The following IFNA14 variants were observed in gnomAD, a reference collection of about 807,000 sequenced individuals.
IFNA14 encodes interferon alpha 14.
For missense variants in IFNA14, 337 were observed against 214.9 expected (o/e 1.57, Z -3.55); for synonymous variants, 113 against 76.8 (o/e 1.47, Z -2.46).
At position 21,239,725 on chromosome 9, in the gene IFNA14, A is replaced by G; in HGVS notation, c.211T>C (p.Phe71Leu). The G allele has an allele frequency of 1.9e-6, 3 of 1,614,124 alleles. No individual in the cohort carries two copies. The highest frequency in any genetic ancestry group is 2.5e-6 in the Non-Finnish European group (3 of 1,180,010). Residue 71 changes from phenylalanine (F) to leucine (L), a missense_variant, in exon 1 of 1, where the codon TTC becomes CTC. Physicochemically the swap from Phe to Leu is conservative, Grantham distance 22. Transcript: ENST00000380222. Reference protein sequence around the residue: ...FPQEEFDGNQFQKAQAISVLH... With the variant: ...FPQEEFDGNQLQKAQAISVLH... Reference sequence around the variant, plus strand: ...ACAGAGATGGCTTGAGCTTTCTGGAACTGGTTGCCATCAAATTCCTCCTGG... The same window carrying G: ...ACAGAGATGGCTTGAGCTTTCTGGAGCTGGTTGCCATCAAATTCCTCCTGG...
rs1379283328 is a variant in IFNA14, at chr9:21,239,955, G to T, written c.-20C>A. The T allele has an allele frequency of 6.2e-7, 1 of 1,609,260 alleles. No individual in the cohort carries two copies. Among genetic ancestry groups the T allele is most frequent in the Non-Finnish European group, 8.5e-7 (1 of 1,175,702 alleles). ...TGCCATTGGGAATCCCGAAGATGCTGCTGGGCTGGTTGATGAGGGGTAACA... is the reference window on the plus strand; with the variant it reads ...TGCCATTGGGAATCCCGAAGATGCTTCTGGGCTGGTTGATGAGGGGTAACA... On this transcript the variant is annotated 5_prime_UTR_variant, in exon 1 of 1. Coordinates refer to ENST00000380222, the MANE Select transcript of IFNA14 (RefSeq NM_002172.3).
Position 21,239,556 on chromosome 9 carries a change from A to G in IFNA14, c.380T>C (p.Val127Ala), listed in dbSNP as rs895258506. The G allele has an allele frequency of 8.7e-6, 14 of 1,613,876 alleles. No individual in the cohort carries two copies. Among genetic ancestry groups the G allele is most frequent in the African/African-American group, 4.0e-5 (3 of 74,868 alleles). Residue 127 changes from valine to alanine, a missense_variant, in exon 1 of 1, where the codon GTT becomes GCT. By Grantham distance (64) the Val-to-Ala change is moderately conservative. Transcript: ENST00000380222. ...CATCAGGGGAGTCTCTTCCACCCCA[A>G]CCTCCTGTATCACACAGGCTTCCAG... ...NDLEACVIQEVGVEETPLMNE... is the reference protein window; with the variant it reads ...NDLEACVIQEAGVEETPLMNE...
the IFNA14 span, chr9:21,239,829 CT>C: frequency 1.2e-6 from 2 of 1,614,074 alleles, no homozygotes; most frequent in Admixed American, 3.3e-5. Flanking sequence ...CATCAAAGTC[CT>C]CCTGTTATTC....
Position 21,239,238 on chromosome 9 carries a change from A to G in IFNA14, c.*128T>C, listed in dbSNP as rs1157248530. 37 of 1,519,576 alleles carry G rather than the reference A, an allele frequency of 2.4e-5. No homozygotes were observed. In the Admixed American group the frequency reaches 7.6e-4, roughly 31 times the overall value. 94.1% of individuals were successfully genotyped at this position (1,519,576 alleles called of 1,614,324 possible). On this transcript the variant is annotated 3_prime_UTR_variant, in exon 1 of 1. Coordinates refer to ENST00000380222, the MANE Select transcript of IFNA14 (RefSeq NM_002172.3). ...ACATGATGCTTCTTTACACTCCTGA[A>G]AACATTTGAAAATTTTGATTCAACT...
At position 21,239,803 on chromosome 9, in the gene IFNA14, T is replaced by G. The variant is rs774245538; in HGVS notation, c.133A>C (p.Arg45=). 1.9e-6 allele frequency: 3 copies of G among 1,614,154 alleles called. No homozygotes were observed. The highest frequency in any genetic ancestry group is 2.2e-5 in the South Asian group (2 of 91,082). Residue 45 remains arginine (R), a synonymous_variant, in exon 1 of 1, where the codon AGG becomes CGG. Coordinates refer to ENST00000380222, the MANE Select transcript of IFNA14 (RefSeq NM_002172.3). ...AGGCAGGAGAAAGGAGAGATTCTCCTCATTTGTGCCATGAGCATCAAAGTC... is the reference window on the plus strand; with the variant it reads ...AGGCAGGAGAAAGGAGAGATTCTCCGCATTTGTGCCATGAGCATCAAAGTC... The part of the protein sequence containing the change: ...RRTLMLMAQM[R]RISPFSCLKD...
chr9:21,239,649 G>C, the IFNA14 span: 1 of 1,613,984 alleles, frequency 6.2e-7, no homozygotes, highest in Non-Finnish European at 8.5e-7. Context: ...AGCAGCAGAT[G>C]AGTTCTTTGT....
the IFNA14 span, chr9:21,239,455 GGCTGT>G: frequency 6.2e-7 from 1 of 1,614,002 alleles, no homozygotes; most frequent in Middle Eastern, 1.6e-4. Context: ...CAGGCACAAG[GGCTGT>G]ATTTCTTCTC....
At position 21,239,424 on chromosome 9, in the gene IFNA14, A is replaced by G; in HGVS notation, c.512T>C (p.Ile171Thr). ...PCAWEVVRAE[I>T]MRSLSFSTNL... ...TGTTGAAAAAGAGAGGGATCTCATGATTTCTGCTCTGACAACCTCCCAGGC... is the reference window on the plus strand; with the variant it reads ...TGTTGAAAAAGAGAGGGATCTCATGGTTTCTGCTCTGACAACCTCCCAGGC... The change falls in exon 1 of 1, where the codon ATC (isoleucine) becomes ACC (threonine). Residue 171 changes from isoleucine (I) to threonine (T), a missense_variant. By Grantham distance (89) the Ile-to-Thr change is moderately conservative. Coordinates refer to ENST00000380222, the MANE Select transcript of IFNA14 (RefSeq NM_002172.3). 7 of 1,614,074 alleles carry G rather than the reference A, an allele frequency of 4.3e-6. No homozygotes were observed. The highest frequency in any genetic ancestry group is 5.9e-6 in the Non-Finnish European group (7 of 1,179,998).
chr9:21,239,063 T>G lies in IFNA14; in HGVS notation c.*303A>C, dbSNP rs41270125. ...TGGCTAAATATGAAGAACATATTTG[T>G]TATATTAACCACAATGTAAAGGTAC... On this transcript the variant is annotated 3_prime_UTR_variant, in exon 1 of 1. Transcript: ENST00000380222. 227 of 158,398 alleles carry G rather than the reference T, an allele frequency of 1.4e-3. No homozygotes were observed. The highest frequency in any genetic ancestry group is 3.2e-3 in the Middle Eastern group (1 of 316). The allele number at this position is 158,398 out of a possible 1,614,324, so 9.8% of individuals were successfully genotyped here.
Position 21,239,424 on chromosome 9 carries a change from A to T in IFNA14, c.512T>A (p.Ile171Asn). 1 of 1,614,074 alleles carries T rather than the reference A, an allele frequency of 6.2e-7. No homozygotes were observed. Among genetic ancestry groups the T allele is most frequent in the Non-Finnish European group, 8.5e-7 (1 of 1,179,998 alleles). The change falls in exon 1 of 1, where the codon ATC (isoleucine) becomes AAC (asparagine). Residue 171 changes from isoleucine (I) to asparagine (N), a missense_variant. Transcript: ENST00000380222. ...PCAWEVVRAE[I>N]MRSLSFSTNL... ...TGTTGAAAAAGAGAGGGATCTCATG[A>T]TTTCTGCTCTGACAACCTCCCAGGC...
rs1818857279 is a variant in IFNA14 at position 21,239,722 on chromosome 9, G to T, written c.214C>A (p.Gln72Lys). Residue 72 changes from glutamine (Q) to lysine (K), a missense_variant, in exon 1 of 1, where the codon CAG becomes AAG. By Grantham distance (53) the Gln-to-Lys change is moderately conservative. Coordinates refer to ENST00000380222, the MANE Select transcript of IFNA14 (RefSeq NM_002172.3). ...PQEEFDGNQFQKAQAISVLHE... is the reference protein window; with the variant it reads ...PQEEFDGNQFKKAQAISVLHE... ...AGGACAGAGATGGCTTGAGCTTTCT[G>T]GAACTGGTTGCCATCAAATTCCTCC... 6.2e-7 allele frequency: 1 copy of T among 1,613,972 alleles called. No homozygotes were observed. Among genetic ancestry groups the T allele is most frequent in the African/African-American group, 1.3e-5 (1 of 74,898 alleles).
rs1401824578 is a variant in IFNA14, at chr9:21,239,353, G to C, written c.*13C>G. 3.1e-6 allele frequency: 5 copies of C among 1,613,398 alleles called. No individual in the cohort carries two copies. Among genetic ancestry groups the C allele is most frequent in the Non-Finnish European group, 4.2e-6 (5 of 1,179,838 alleles). On this transcript the variant is annotated 3_prime_UTR_variant, in exon 1 of 1. Transcript: ENST00000380222. The stretch of plus-strand genomic sequence containing the variant: ...ATTAGTCAATGAGAATCATTTCCAT[G>C]ATGAACCAGTTTTCAATCCTTCCTC...
Position 21,239,309 on chromosome 9 carries a change from T to G in IFNA14, c.*57A>C, listed in dbSNP as rs1021035334. ...TGAGTCTTTGAAATGGAAGAACTCA[T>G]GAAAGTGTGAGATGATGTATTAGTC... On this transcript the variant is annotated 3_prime_UTR_variant, in exon 1 of 1. Coordinates refer to ENST00000380222, the MANE Select transcript of IFNA14 (RefSeq NM_002172.3). 416 of 1,602,552 alleles carry G rather than the reference T, an allele frequency of 2.6e-4. 4 individuals are homozygous for G. The highest frequency in any genetic ancestry group is 1.9e-4 in the Middle Eastern group (1 of 5,378).
rs1035542854 is a variant in IFNA14 at position 21,239,332 on chromosome 9, G to C, written c.*34C>G. 6.2e-7 allele frequency: 1 copy of C among 1,612,402 alleles called. No individual in the cohort carries two copies. Among genetic ancestry groups the C allele is most frequent in the Non-Finnish European group, 8.5e-7 (1 of 1,179,602 alleles). On this transcript the variant is annotated 3_prime_UTR_variant, in exon 1 of 1. Coordinates refer to ENST00000380222, the MANE Select transcript of IFNA14 (RefSeq NM_002172.3). ...CATGAAAGTGTGAGATGATGTATTA[G>C]TCAATGAGAATCATTTCCATGATGA...
At position 21,239,741 on chromosome 9, in the gene IFNA14, T is replaced by C. The variant is rs576021973; in HGVS notation, c.195A>G (p.Glu65=). The C allele has an allele frequency of 2.5e-6, 4 of 1,614,136 alleles. No homozygotes were observed. In the East Asian group the frequency reaches 6.7e-5, roughly 27 times the overall value. Residue 65 remains glutamate (E), a synonymous_variant, in exon 1 of 1, where the codon GAA becomes GAG. Coordinates refer to ENST00000380222, the MANE Select transcript of IFNA14 (RefSeq NM_002172.3). ...DRHDFEFPQE[E]FDGNQFQKAQ... is the part of the protein sequence containing the mutation. The stretch of plus-strand genomic sequence containing the variant: ...CTTTCTGGAACTGGTTGCCATCAAA[T>C]TCCTCCTGGGGAAATTCAAAGTCAT...
rs766879676 is a variant in IFNA14 at position 21,239,385 on chromosome 9, C to A, written c.551G>T (p.Arg184Ile). 2.5e-6 allele frequency: 4 copies of A among 1,613,852 alleles called. No homozygotes were observed. The highest frequency in any genetic ancestry group is 2.7e-5 in the African/African-American group (2 of 74,878). Residue 184 changes from arginine (R) to isoleucine (I), a missense_variant, in exon 1 of 1, where the codon AGA becomes ATA. Arg to Ile is a moderately conservative substitution (Grantham distance 97, BLOSUM62 -3). Coordinates refer to ENST00000380222, the MANE Select transcript of IFNA14 (RefSeq NM_002172.3). ...SLSFSTNLQK[R>I]LRRKD ...CAGTTTTCAATCCTTCCTCCTTAAT[C>A]TTTTTTGCAAGTTTGTTGAAAAAGA...
Position 21,239,698 on chromosome 9 carries a change from G to A in IFNA14, c.238C>T (p.Leu80Phe), listed in dbSNP as rs1436018027. The A allele has an allele frequency of 3.7e-6, 6 of 1,614,032 alleles. No homozygotes were observed. Among genetic ancestry groups the A allele is most frequent in the Middle Eastern group, 1.7e-4 (1 of 6,058 alleles). The change falls in exon 1 of 1, where the codon CTC (leucine) becomes TTC (phenylalanine). Residue 80 changes from leucine (L) to phenylalanine (F), a missense_variant. Leu to Phe is a conservative substitution (Grantham distance 22). Coordinates refer to ENST00000380222, the MANE Select transcript of IFNA14 (RefSeq NM_002172.3). ...QFQKAQAISV[L>F]HEMMQQTFNL... ...AAGGTCTGCTGCATCATCTCATGGA[G>A]GACAGAGATGGCTTGAGCTTTCTGG...
Position 21,239,236 on chromosome 9 carries a change from G to T in IFNA14, c.*130C>A. ...ATACATGATGCTTCTTTACACTCCT[G>T]AAAACATTTGAAAATTTTGATTCAA... On this transcript the variant is annotated 3_prime_UTR_variant, in exon 1 of 1. Transcript: ENST00000380222. 2 of 1,509,666 alleles carry T rather than the reference G, an allele frequency of 1.3e-6. No individual in the cohort carries two copies. The highest frequency in any genetic ancestry group is 1.8e-6 in the Non-Finnish European group (2 of 1,120,738). 93.5% of individuals were successfully genotyped at this position (1,509,666 alleles called of 1,614,324 possible).
chr9:21,239,924 G>A lies in IFNA14; in HGVS notation c.12C>T (p.Pro4=), dbSNP rs1818863669. 13 of 1,614,034 alleles carry A rather than the reference G, an allele frequency of 8.1e-6. No homozygotes were observed. The highest frequency in any genetic ancestry group is 1.1e-5 in the Non-Finnish European group (13 of 1,179,944). The part of the protein sequence containing the change: MAL[P]FALMMALVVL... ...CCACCAGGGCCATCATTAAAGCAAA[G>A]GGCAATGCCATTGGGAATCCCGAAG... Residue 4 remains proline (P), a synonymous_variant, in exon 1 of 1, where the codon CCC becomes CCT. Coordinates refer to ENST00000380222, the MANE Select transcript of IFNA14 (RefSeq NM_002172.3).
Sources: allele counts gnomAD v4.1 joint callset, GRCh38; gene constraint gnomAD v4.1.1; transcripts MANE v1.5; gene names NCBI Gene and HGNC (gene_info 2026-07-23, HGNC 2026-07-21).